Variants in BAHCC1 observed in about 807,000 individuals in gnomAD.
BAHCC1 encodes BAH and coiled-coil domain-containing protein 1.
Under a neutral mutation model 88.2 loss-of-function variants are expected in BAHCC1, and 43 were observed. The observed-to-expected ratio is 0.49, with a 90% CI of 0.38 to 0.63. The LOEUF (loss-of-function observed/expected upper bound fraction) is 0.63. Ranked by LOEUF, BAHCC1 falls within the 20% of genes least tolerant of loss-of-function variation. BAHCC1 has a pLI of 0.00. For missense variants in BAHCC1, 3,023 were observed against 1,654.8 expected, an observed-to-expected ratio of 1.83 and a Z score of -14.34; for synonymous variants, 1,510 against 745.5, an observed-to-expected ratio of 2.03 and a Z score of -16.71.
intron 2 of BAHCC1, among the ~76,000 whole-genome samples, chr17:81,423,745 C>T (rs2064142249): frequency 6.6e-6 from 1 of 152,216 alleles, no homozygotes; most frequent in Non-Finnish European, 1.5e-5. Context: ...TGTGCAGGAG[C>T]CGATAGTCAT....
chr17:81,457,582 G>A lies in BAHCC1; in HGVS notation c.5031G>A (p.Gln1677=). Reference sequence around the variant, plus strand: ...AGGCCAAGAAGAAGAAGGAGAGGCAGGGGTTGCTAGGTAACCAGGAGGGAG... The same window carrying A: ...AGGCCAAGAAGAAGAAGGAGAGGCAAGGGTTGCTAGGTAACCAGGAGGGAG... ...NQKAKKKKER[Q]GLLGACRLSS... The change falls in exon 17 of 28, where the codon CAG becomes CAA. Residue 1677 remains glutamine, a synonymous_variant. Coordinates refer to ENST00000675386, the MANE Select transcript of BAHCC1 (RefSeq NM_001377448.1). 2.7e-6 allele frequency: 2 copies of A among 736,206 alleles called. No homozygotes were observed. The highest frequency in any genetic ancestry group is 5.1e-6 in the Non-Finnish European group (2 of 395,932). The allele number at this position is 736,206 out of a possible 1,614,324, so 45.6% of individuals were successfully genotyped here. A position where few individuals can be genotyped will look rare whatever the true frequency, so the allele number is the denominator to read the frequency against.
At chr17:81,400,241 T>C (rs1279435210) in intron 2 of BAHCC1, among the ~76,000 whole-genome samples, 1 of 152,190 alleles carries the variant, frequency 6.6e-6, no homozygotes, top group Non-Finnish European at 1.5e-5. Flanking sequence ...AAACCTCTTT[T>C]CTGCATTCTG....
intron 27 of BAHCC1, 32 bp from the exon 28 acceptor site, chr17:81,463,579 G>A (rs781806107): frequency 2.6e-5 from 20 of 777,666 alleles, no homozygotes; most frequent in Non-Finnish European, 2.2e-5. Context: ...GGCCAAGGCC[G>A]GCCACTGATG....
In BAHCC1 at chr17:81,443,850, G is replaced by A; in HGVS notation, c.2257G>A (p.Ala753Thr). ...TTCCACACACGCGCTGGACCTGGAGGCTGAGGAGGAGAGGACGAGGCTATG... is the reference window on the plus strand; with the variant it reads ...TTCCACACACGCGCTGGACCTGGAGACTGAGGAGGAGAGGACGAGGCTATG... The part of the protein sequence containing the change: ...PRSTHALDLE[A>T]EEERTRLCDD... The change falls in exon 6 of 28, where the codon GCT becomes ACT. Residue 753 changes from alanine (A) to threonine (T), a missense_variant. Physicochemically the swap from Ala to Thr is moderately conservative, Grantham distance 58. Coordinates refer to ENST00000675386, the MANE Select transcript of BAHCC1 (RefSeq NM_001377448.1). The A allele has an allele frequency of 5.6e-6, 4 of 714,228 alleles. No individual in the cohort carries two copies. The highest frequency in any genetic ancestry group is 1.5e-5 in the South Asian group (1 of 67,600). 44.2% of individuals were successfully genotyped at this position (714,228 alleles called of 1,614,324 possible). A position where few individuals can be genotyped will look rare whatever the true frequency, so the allele number is the denominator to read the frequency against.
intron 2 of BAHCC1, chr17:81,413,298 C>T (rs1444383465): frequency 9.1e-6 from 2 of 220,642 alleles, no homozygotes; most frequent in South Asian, 3.9e-5. Context: ...CCTCGGCCTC[C>T]TTCCCTGTGA....
rs1555659862 is a variant in BAHCC1 at position 81,462,757 on chromosome 17, G to A, written c.7401G>A (p.Gly2467=). 3.9e-6 allele frequency: 3 copies of A among 765,034 alleles called. No individual in the cohort carries two copies. Among genetic ancestry groups the A allele is most frequent in the Non-Finnish European group, 7.4e-6 (3 of 408,108 alleles). The allele number at this position is 765,034 out of a possible 1,614,324, so 47.4% of individuals were successfully genotyped here. ...CCCCACAGCGGCGTGGCATGAAGGG[G>A]AAGGCCCGGAAGCTGTTCTACAAGG... ...GNPTQRRGMK[G]KARKLFYKAI... is the part of the protein sequence containing the mutation. The change falls in exon 27 of 28, where the codon GGG becomes GGA. Residue 2467 remains glycine, a synonymous_variant. Coordinates refer to ENST00000675386, the MANE Select transcript of BAHCC1 (RefSeq NM_001377448.1).
chr17:81,432,187 C>T (rs2064268197), intron 3 of BAHCC1, among the ~76,000 whole-genome samples: 1 of 152,178 alleles, frequency 6.6e-6, no homozygotes, highest in Non-Finnish European at 1.5e-5. Flanking sequence ...GGCCAGTGGC[C>T]TTGGTCACTG....
Position 81,464,055 on chromosome 17 carries a change from G to T in BAHCC1, c.*238G>T. 1 of 578,840 alleles carries T rather than the reference G, an allele frequency of 1.7e-6. No homozygotes were observed. The highest frequency in any genetic ancestry group is 3.1e-6 in the Non-Finnish European group (1 of 322,900). The allele number at this position is 578,840 out of a possible 1,614,324, so 35.9% of individuals were successfully genotyped here. A position where few individuals can be genotyped will look rare whatever the true frequency, so the allele number is the denominator to read the frequency against. On this transcript the variant is annotated 3_prime_UTR_variant, in exon 28 of 28. Coordinates refer to ENST00000675386, the MANE Select transcript of BAHCC1 (RefSeq NM_001377448.1). Reference sequence around the variant, plus strand: ...CGGAGGGTCGGGCTGTGGCCCTCATGGGTCCCCGGCCCGCCCCACCCACAG... The same window carrying T: ...CGGAGGGTCGGGCTGTGGCCCTCATTGGTCCCCGGCCCGCCCCACCCACAG...
intron 11 of BAHCC1, among the ~76,000 whole-genome samples, chr17:81,448,141 C>T (rs1555655079): frequency 6.6e-6 from 1 of 152,186 alleles, no homozygotes; most frequent in African/African-American, 2.4e-5. Context: ...TTGGAAGTGG[C>T]TGAACAGGGG....
intron 2 of BAHCC1, among the ~76,000 whole-genome samples, chr17:81,414,032 C>T: frequency 6.6e-6 from 1 of 152,232 alleles, no homozygotes; most frequent in East Asian, 1.9e-4. Flanking sequence ...ACCTGGCCTG[C>T]TGGATCCATG....
At chr17:81,415,462 A>T (rs782132883) in intron 2 of BAHCC1, 1 of 486,360 alleles carries the variant, frequency 2.1e-6, no homozygotes, top group Admixed American at 2.1e-5. Context: ...GCGAGGCCCC[A>T]TGTGGTTGGA....
At position 81,445,351 on chromosome 17, in the gene BAHCC1, C is replaced by A; in HGVS notation, c.2836-3C>A. On this transcript the variant is annotated splice_region_variant and splice_polypyrimidine_tract_variant and intron_variant, in intron 9 of 27. Transcript: ENST00000675386. The stretch of plus-strand genomic sequence containing the variant: ...TGACCGAGCTTGCCCCCATCCCTGA[C>A]AGCGGAAGCCCGAAGACCAGCACCT... 1 of 772,542 alleles carries A rather than the reference C, an allele frequency of 1.3e-6. No individual in the cohort carries two copies. The highest frequency in any genetic ancestry group is 2.4e-6 in the Non-Finnish European group (1 of 415,276). The allele number at this position is 772,542 out of a possible 1,614,324, so 47.9% of individuals were successfully genotyped here.
At position 81,403,736 on chromosome 17, in the gene BAHCC1, C is replaced by T. The variant is rs530349942; in HGVS notation, c.178+3819C>T. ...TGTGAAAAGAGTTACTTTCCGAAGA[C>T]GTCACCCGTCCCGCTCCATAAGTGA... On this transcript the variant is annotated intron_variant, in intron 2 of 27. Coordinates refer to ENST00000675386, the MANE Select transcript of BAHCC1 (RefSeq NM_001377448.1). 4.9e-4 allele frequency among the ~76,000 whole-genome samples: 75 copies of T among 152,294 alleles called. No homozygotes were observed. In the South Asian group the frequency reaches 0.014, roughly 29 times the overall value.
At chr17:81,403,628 G>T (rs2063843677) in intron 2 of BAHCC1, among the ~76,000 whole-genome samples, 1 of 151,882 alleles carries the variant, frequency 6.6e-6, no homozygotes, top group African/African-American at 2.4e-5. Context: ...TTTTTGTAAA[G>T]AAAAAAATAC....
intron 11 of BAHCC1, among the ~76,000 whole-genome samples, chr17:81,448,090 T>C (rs2064567815): frequency 6.6e-6 from 1 of 152,148 alleles, no homozygotes; most frequent in African/African-American, 2.4e-5. Context: ...CTAACCTCCA[T>C]GGTGGTCTCA....
chr17:81,464,142 T>G lies in BAHCC1; in HGVS notation c.*325T>G. 1 of 415,216 alleles carries G rather than the reference T, an allele frequency of 2.4e-6. No individual in the cohort carries two copies. The highest frequency in any genetic ancestry group is 4.4e-6 in the Non-Finnish European group (1 of 225,476). The allele number at this position is 415,216 out of a possible 1,614,324, so 25.7% of individuals were successfully genotyped here. A position where few individuals can be genotyped will look rare whatever the true frequency, so the allele number is the denominator to read the frequency against. Reference sequence around the variant, plus strand: ...TTTGAATCCAAGCCATATTCCCTAGTACCTCCGACTGTCTCCCACCAGGGA... The same window carrying G: ...TTTGAATCCAAGCCATATTCCCTAGGACCTCCGACTGTCTCCCACCAGGGA... On this transcript the variant is annotated 3_prime_UTR_variant, in exon 28 of 28. Transcript: ENST00000675386.
intron 3 of BAHCC1, among the ~76,000 whole-genome samples, 195 bp from the exon 4 acceptor site, chr17:81,438,175 C>G (rs1320901055): frequency 4.6e-5 from 7 of 152,230 alleles, no homozygotes; most frequent in Non-Finnish European, 1.0e-4. Flanking sequence ...TGTGCCGCAC[C>G]GGAGGGATGG....
Position 81,462,960 on chromosome 17 carries a change from G to A in BAHCC1, c.7604G>A (p.Arg2535Lys), listed in dbSNP as rs1470427460. ...CCTGAGGAGACCAAGCTGGGCAAGA[G>A]GCAGTGCGACGGCAAGGTGAGGCCC... is the stretch of plus-strand genomic sequence containing the variant. ...YHPEETKLGK[R>K]QCDGKNALYQ... Residue 2535 changes from arginine (R) to lysine (K), a missense_variant, in exon 27 of 28, where the codon AGG becomes AAG. Arg to Lys is a conservative substitution (Grantham distance 26). Transcript: ENST00000675386. 2 of 780,938 alleles carry A rather than the reference G, an allele frequency of 2.6e-6. No individual in the cohort carries two copies. Among genetic ancestry groups the A allele is most frequent in the Non-Finnish European group, 4.8e-6 (2 of 418,876 alleles). 48.4% of individuals were successfully genotyped at this position (780,938 alleles called of 1,614,324 possible).
intron 2 of BAHCC1, among the ~76,000 whole-genome samples, chr17:81,425,565 TGGTGATGTGGTTGGG>T: frequency 1.9e-3 from 2 of 1,064 alleles, no homozygotes; most frequent in East Asian, 0.018. Flanking sequence ...ATGTGGTTGG[TGGTGATGTGGTTGGG>T]GGTGATAGTG....
Sources: allele counts gnomAD v4.1 joint callset (sites outside exome capture counted in the v4.1 genomes callset), GRCh38; gene constraint gnomAD v4.1.1; transcripts MANE v1.5; gene names NCBI Gene and HGNC (gene_info 2026-07-23, HGNC 2026-07-21).